Variants in RASGRF2 observed in about 807,000 individuals in gnomAD.
RASGRF2 encodes ras-specific guanine nucleotide-releasing factor 2.
A neutral mutation model predicts 151.0 loss-of-function variants in RASGRF2; 76 were observed. The observed-to-expected ratio is 0.50, with a 90% CI of 0.42 to 0.61. The LOEUF (loss-of-function observed/expected upper bound fraction) is 0.61, where lower values mean the gene tolerates loss of function less well. Ranked by LOEUF, RASGRF2 falls within the 20% of genes least tolerant of loss-of-function variation. RASGRF2 has a pLI of 0.00. For synonymous variants in RASGRF2, 504 were observed against 566.5 expected, an observed-to-expected ratio of 0.89 and a Z score of 1.57; for missense variants, 1,148 against 1,564.6, an observed-to-expected ratio of 0.73 and a Z score of 4.49.
intron 17 of RASGRF2, among the ~76,000 whole-genome samples, chr5:81,163,730 T>C (rs1407626444): frequency 6.6e-6 from 1 of 152,204 alleles, no homozygotes; most frequent in Non-Finnish European, 1.5e-5. Flanking sequence ...ATGTGATATA[T>C]GTCCCAGCAT....
At chr5:81,002,806 A>G (rs141688275) in intron 1 of RASGRF2, among the ~76,000 whole-genome samples, 1 of 152,348 alleles carries the variant, frequency 6.6e-6, no homozygotes, top group Non-Finnish European at 1.5e-5. Flanking sequence ...ATTTTCCCTG[A>G]CAATAAATTA....
In RASGRF2 at chr5:81,226,935, G is replaced by A. The variant is rs1756013290; in HGVS notation, c.*1165G>A. The A allele has an allele frequency of 6.6e-6, 1 of 152,174 alleles. No homozygotes were observed. The highest frequency in any genetic ancestry group is 2.4e-5 in the African/African-American group (1 of 41,442). 9.4% of individuals were successfully genotyped at this position (152,174 alleles called of 1,614,324 possible). ...TCTTACATTACAAAACCAAATGCAA[G>A]GGTTAGTCCTGCTACCTGAGGCTGG... On this transcript the variant is annotated 3_prime_UTR_variant, in exon 27 of 27. Transcript: ENST00000265080.
intron 26 of RASGRF2, chr5:81,223,613 C>A (rs1010889127): frequency 1.6e-4 from 24 of 152,106 alleles, no homozygotes; most frequent in African/African-American, 5.5e-4. Context: ...TGCACTCCAG[C>A]CTGGGCGACA....
At chr5:81,146,072 A>G (rs1445859513) in intron 17 of RASGRF2, among the ~76,000 whole-genome samples, 1 of 152,234 alleles carries the variant, frequency 6.6e-6, no homozygotes, top group South Asian at 2.1e-4. Context: ...GAGGGAGTAT[A>G]TTTGAAATTA....
At chr5:81,100,090 G>A (rs1485833016) in intron 12 of RASGRF2, among the ~76,000 whole-genome samples, 4 of 151,732 alleles carry the variant, frequency 2.6e-5, no homozygotes, top group Non-Finnish European at 5.9e-5. Flanking sequence ...TGCATGTTTA[G>A]TAGAGACGAG....
At chr5:81,000,046 C>T (rs1022661559) in intron 1 of RASGRF2, among the ~76,000 whole-genome samples, 2 of 152,034 alleles carry the variant, frequency 1.3e-5, no homozygotes, top group African/African-American at 2.4e-5. Context: ...TGGAGTAGCT[C>T]GACTGGGAAT....
intron 2 of RASGRF2, among the ~76,000 whole-genome samples, chr5:81,043,465 A>G (rs929646644): frequency 2.6e-5 from 4 of 152,208 alleles, no homozygotes; most frequent in African/African-American, 4.8e-5. Flanking sequence ...CACCTCGGTT[A>G]TCAAAAGAAG....
Position 81,150,691 on chromosome 5 carries a change from G to A in RASGRF2, c.2686+23528G>A, listed in dbSNP as rs532095708. The stretch of plus-strand genomic sequence containing the variant: ...ACACGACTCCCCAGACTGATTTGCA[G>A]GCAGGAATTAGTAAAATAACTGCAA... On this transcript the variant is annotated intron_variant, in intron 17 of 26. Coordinates refer to ENST00000265080, the MANE Select transcript of RASGRF2 (RefSeq NM_006909.3). 1.9e-4 allele frequency among the ~76,000 whole-genome samples: 29 copies of A among 152,234 alleles called. 1 individual carries two copies. The highest frequency in any genetic ancestry group is 3.2e-4 in the Non-Finnish European group (22 of 68,018).
At chr5:81,215,267 C>CTTTTTT (rs772223510) in intron 23 of RASGRF2, among the ~76,000 whole-genome samples, 2 of 119,786 alleles carry the variant, frequency 1.7e-5, no homozygotes, top group Non-Finnish European at 1.7e-5. Flanking sequence ...AATATAGAAT[C>CTTTTTT]TTTTTTTTTT....
chr5:81,165,853 C>G (rs1561240376), intron 17 of RASGRF2, among the ~76,000 whole-genome samples: 1 of 151,840 alleles, frequency 6.6e-6, no homozygotes. Context: ...GACCATATTA[C>G]TTACACCTTC....
At chr5:81,050,896 T>C (rs1448333304) in intron 2 of RASGRF2, among the ~76,000 whole-genome samples, 2 of 152,176 alleles carry the variant, frequency 1.3e-5, no homozygotes, top group African/African-American at 4.8e-5. Flanking sequence ...AAATTGCTTT[T>C]CAGAAATGCA....
intron 17 of RASGRF2, among the ~76,000 whole-genome samples, chr5:81,156,714 A>G (rs897946296): frequency 1.3e-5 from 2 of 152,246 alleles, no homozygotes; most frequent in African/African-American, 4.8e-5. Flanking sequence ...CCTGCAGTTA[A>G]CATACATAGT....
At position 81,094,949 on chromosome 5, in the gene RASGRF2, C is replaced by T. The variant is rs755082455; in HGVS notation, c.1712C>T (p.Pro571Leu). ...AAAFTVVLLA[P>L]SRQEKAAWMS... is the part of the protein sequence containing the mutation. ...GCCTTCACTGTTGTCTTGTTAGCAC[C>T]CTCACGCCAGGAGAAAGCTGCCTGG... Residue 571 changes from proline to leucine, a missense_variant, in exon 12 of 27, where the codon CCC becomes CTC. Around this residue, in one of 5 missense-constraint regions of RASGRF2, gnomAD observed 646 missense variants for 807.4 expected, o/e 0.80. Coordinates refer to ENST00000265080, the MANE Select transcript of RASGRF2 (RefSeq NM_006909.3). The T allele has an allele frequency of 5.0e-6, 8 of 1,589,768 alleles. No homozygotes were observed. In the Admixed American group the frequency reaches 1.2e-4, roughly 24 times the overall value.
intron 1 of RASGRF2, among the ~76,000 whole-genome samples, chr5:81,022,106 G>C (rs73766165): frequency 8.8e-4 from 134 of 152,238 alleles, no homozygotes; most frequent in African/African-American, 3.1e-3. Context: ...AGGAACGATG[G>C]GGGAGTGGTA....
chr5:81,228,445 C>T lies in RASGRF2; in HGVS notation c.*2675C>T, dbSNP rs2112764225. ...GTGTTTTTTCTGGTCGTTAAAGTAC[C>T]CATCCTCTTCTGCCTACACACAAAG... On this transcript the variant is annotated 3_prime_UTR_variant, in exon 27 of 27. Coordinates refer to ENST00000265080, the MANE Select transcript of RASGRF2 (RefSeq NM_006909.3). 6.6e-6 allele frequency: 1 copy of T among 152,276 alleles called. No homozygotes were observed. The highest frequency in any genetic ancestry group is 1.9e-4 in the East Asian group (1 of 5,186). The allele number at this position is 152,276 out of a possible 1,614,324, so 9.4% of individuals were successfully genotyped here. A position where few individuals can be genotyped will look rare whatever the true frequency, so the allele number is the denominator to read the frequency against.
chr5:81,149,130 C>A (rs567148855), intron 17 of RASGRF2, among the ~76,000 whole-genome samples: 2 of 152,298 alleles, frequency 1.3e-5, no homozygotes, highest in East Asian at 1.9e-4. Context: ...ATCCAGCAAT[C>A]CCACTATTGG....
Position 81,224,253 on chromosome 5 carries a change from C to T in RASGRF2, c.3622-1425C>T, listed in dbSNP as rs115475574. 3.2e-3 allele frequency among the ~76,000 whole-genome samples: 494 copies of T among 152,264 alleles called. 3 individuals carry two copies. Among genetic ancestry groups the T allele is most frequent in the African/African-American group, 0.011 (465 of 41,552 alleles). Reference sequence around the variant, plus strand: ...GAAAATGTAAATTAGAGTGGGACATCGTTTTCACTTATCGGATTGACAAAA... The same window carrying T: ...GAAAATGTAAATTAGAGTGGGACATTGTTTTCACTTATCGGATTGACAAAA... On this transcript the variant is annotated intron_variant, in intron 26 of 26. Transcript: ENST00000265080.
intron 17 of RASGRF2, among the ~76,000 whole-genome samples, chr5:81,157,747 G>A (rs1374699833): frequency 6.6e-6 from 1 of 152,134 alleles, no homozygotes; most frequent in Non-Finnish European, 1.5e-5. Flanking sequence ...TGCCAGCAGG[G>A]GAAATGCCAG....
At chr5:81,217,829 G>A (rs1445222147) in intron 25 of RASGRF2, among the ~76,000 whole-genome samples, 7 of 150,836 alleles carry the variant, frequency 4.6e-5, no homozygotes, top group African/African-American at 1.2e-4. Flanking sequence ...TGCAAGCTCC[G>A]CCTCCCGGGT....
Sources: allele counts gnomAD v4.1 joint callset (sites outside exome capture counted in the v4.1 genomes callset), GRCh38; gene constraint gnomAD v4.1.1; regional missense constraint gnomAD v4.1.1; transcripts MANE v1.5; gene names NCBI Gene and HGNC (gene_info 2026-07-23, HGNC 2026-07-21).